The following TMC1 variants were observed in gnomAD, a reference collection of about 807,000 sequenced individuals.
TMC1 encodes transmembrane channel-like protein 1.
Under a neutral mutation model 105.8 loss-of-function variants are expected in TMC1, and 84 were observed. The ratio of observed to expected loss-of-function variants is 0.79; its 90% CI spans 0.67 to 0.95. The LOEUF is 0.95. TMC1 is among the 40% of genes least tolerant of loss of function. The pLI, the probability that TMC1 is intolerant of heterozygous loss-of-function variation, is 0.00. For missense variants in TMC1, 817 were observed against 914.1 expected, an observed-to-expected ratio of 0.89 and a Z score of 1.37; for synonymous variants, 315 against 311.5, an observed-to-expected ratio of 1.01 and a Z score of -0.12.
intron 1 of TMC1, among the ~76,000 whole-genome samples, chr9:72,543,925 A>G (rs1267930909): frequency 1.4e-5 from 2 of 143,494 alleles, no homozygotes; most frequent in African/African-American, 2.7e-5. Flanking sequence ...AAATGCTTCA[A>G]TAGTTTCTTT....
chr9:72,700,811 T>C (rs1206104989), intron 8 of TMC1, 168 bp downstream of exon 8: 5 of 256,304 alleles, frequency 2.0e-5, no homozygotes, highest in Non-Finnish European at 3.7e-5. Context: ...TGTAATACTA[T>C]ATATATCATT....
chr9:72,796,033 A>G (rs1190675640), intron 17 of TMC1, among the ~76,000 whole-genome samples: 1 of 152,154 alleles, frequency 6.6e-6, no homozygotes, highest in African/African-American at 2.4e-5. Flanking sequence ...AAAAAATGCA[A>G]AAAACAAAAC....
chr9:72,522,183 T>C (rs1177593758), intron 1 of TMC1, among the ~76,000 whole-genome samples: 1 of 146,590 alleles, frequency 6.8e-6, no homozygotes, highest in Non-Finnish European at 1.5e-5. Context: ...GGAGTCTTGC[T>C]CTGTCTCCCA....
intron 1 of TMC1, among the ~76,000 whole-genome samples, chr9:72,557,034 C>T (rs1823953759): frequency 6.6e-6 from 1 of 152,134 alleles, no homozygotes. Flanking sequence ...ATTAAACAGT[C>T]CAAAATGTCA....
intron 2 of TMC1, among the ~76,000 whole-genome samples, chr9:72,584,265 T>TA (rs1306250323): frequency 7.9e-6 from 1 of 126,834 alleles, no homozygotes; most frequent in African/African-American, 3.8e-5. Flanking sequence ...ATAATGTCAC[T>TA]ACTTTTTTTT....
chr9:72,826,368 C>A (rs1390619196), intron 20 of TMC1, among the ~76,000 whole-genome samples: 2 of 152,074 alleles, frequency 1.3e-5, no homozygotes, highest in Non-Finnish European at 2.9e-5. Flanking sequence ...GTTACCTTAC[C>A]TATTAACATA....
chr9:72,798,841 G>A (rs1034151127), intron 17 of TMC1, among the ~76,000 whole-genome samples: 6 of 150,624 alleles, frequency 4.0e-5, no homozygotes, highest in African/African-American at 1.2e-4. Context: ...TAAAATAAAA[G>A]TTTTTTTTTA....
intron 4 of TMC1, among the ~76,000 whole-genome samples, chr9:72,635,872 T>C (rs966365917): frequency 6.6e-6 from 1 of 152,210 alleles, no homozygotes; most frequent in Non-Finnish European, 1.5e-5. Context: ...AACACTTGTT[T>C]TAGTGCAGAT....
At chr9:72,596,295 G>A (rs1824719126) in intron 2 of TMC1, among the ~76,000 whole-genome samples, 1 of 152,126 alleles carries the variant, frequency 6.6e-6, no homozygotes. Flanking sequence ...AAAAGGTGCT[G>A]GTCACTAGGG....
intron 12 of TMC1, among the ~76,000 whole-genome samples, chr9:72,765,561 C>G (rs1827816453): frequency 6.6e-6 from 1 of 151,018 alleles, no homozygotes; most frequent in South Asian, 2.1e-4. Flanking sequence ...TAGTGCTATG[C>G]TCTCAACACC....
At chr9:72,746,896 C>T (rs1827498415) in intron 10 of TMC1, among the ~76,000 whole-genome samples, 1 of 152,304 alleles carries the variant, frequency 6.6e-6, no homozygotes, top group African/African-American at 2.4e-5. Context: ...TCGATGGTTG[C>T]TCCTGTGGAC....
intron 1 of TMC1, among the ~76,000 whole-genome samples, chr9:72,524,800 C>G (rs778484740): frequency 8.5e-5 from 13 of 152,114 alleles, no homozygotes; most frequent in Non-Finnish European, 1.2e-4. Flanking sequence ...AGGGACCAAC[C>G]TCTTGATTTT....
intron 18 of TMC1, among the ~76,000 whole-genome samples, chr9:72,808,319 G>A (rs1423085065): frequency 6.6e-6 from 1 of 152,124 alleles, no homozygotes; most frequent in East Asian, 1.9e-4. Context: ...TCCCGCAAGG[G>A]GTGCTGTTGC....
chr9:72,716,273 T>A (rs753826275), intron 8 of TMC1, among the ~76,000 whole-genome samples: 15 of 152,222 alleles, frequency 9.9e-5, no homozygotes, highest in Non-Finnish European at 1.3e-4. Flanking sequence ...GTGTCCCTTA[T>A]CAGAGCTGGA....
intron 1 of TMC1, among the ~76,000 whole-genome samples, chr9:72,527,077 G>C (rs1342106464): frequency 1.3e-5 from 2 of 152,176 alleles, no homozygotes; most frequent in Non-Finnish European, 2.9e-5. Flanking sequence ...ATGTTCCCTT[G>C]TCTTGTAGGA....
chr9:72,829,120 C>A (rs1829002891), intron 21 of TMC1, among the ~76,000 whole-genome samples: 1 of 152,068 alleles, frequency 6.6e-6, no homozygotes, highest in Non-Finnish European at 1.5e-5. Flanking sequence ...CAGATTTTAG[C>A]TTATTACTGA....
intron 18 of TMC1, among the ~76,000 whole-genome samples, chr9:72,814,684 T>C (rs1588097111): frequency 6.6e-6 from 1 of 152,322 alleles, no homozygotes; most frequent in East Asian, 1.9e-4. Context: ...CAAGGGAGAT[T>C]GTCCCTATGT....
intron 1 of TMC1, among the ~76,000 whole-genome samples, chr9:72,526,626 A>G (rs1306897474): frequency 6.6e-6 from 1 of 152,226 alleles, no homozygotes; most frequent in Non-Finnish European, 1.5e-5. Flanking sequence ...ACAAAACAAG[A>G]TTAACTAAAT....
At chr9:72,784,046 A>G (rs1393452230) in intron 13 of TMC1, among the ~76,000 whole-genome samples, 2 of 152,204 alleles carry the variant, frequency 1.3e-5, no homozygotes, top group African/African-American at 4.8e-5. Context: ...AGCAATTGCA[A>G]TAAAAACCAA....
Sources: gnomAD v4.1 joint callset for allele counts (sites outside exome capture counted in the v4.1 genomes callset) on GRCh38, gnomAD v4.1.1 for gene constraint, MANE v1.5 for transcripts, NCBI Gene and HGNC (gene_info 2026-07-23, HGNC 2026-07-21) for gene names.